Variants in NEBL observed in about 807,000 individuals in gnomAD.
NEBL encodes LIM and SH3 protein 2.
Under a neutral mutation model 140.2 loss-of-function variants are expected in NEBL, and 122 were observed. The observed-to-expected ratio is 0.87, with a 90% CI of 0.75 to 1.01. The LOEUF (loss-of-function observed/expected upper bound fraction) is 1.01, where lower values mean the gene tolerates loss of function less well. NEBL is among the 50% of genes least tolerant of loss of function. The pLI is 0.00. For synonymous variants in NEBL, 436 were observed against 398.9 expected, an observed-to-expected ratio of 1.09 and a Z score of -1.11; for missense variants, 1,365 against 1,231.3, an observed-to-expected ratio of 1.11 and a Z score of -1.62.
intron 2 of NEBL, among the ~76,000 whole-genome samples, chr10:21,098,732 C>CA (rs1275448052): frequency 1.3e-5 from 2 of 151,864 alleles, no homozygotes; most frequent in East Asian, 1.9e-4. Flanking sequence ...ATATAGAAAA[C>CA]AAAAAAAATT....
At position 20,791,652 on chromosome 10, in the gene NEBL, C is replaced by A. The variant is rs182135332; in HGVS notation, c.2762-4344G>T. The stretch of plus-strand genomic sequence containing the variant: ...TCAAGCAATTATCTTGTCTCAGACT[C>A]CCAAAGCACTGGGATTATGGGCGTG... On this transcript the variant is annotated intron_variant, in intron 26 of 27. Coordinates refer to ENST00000377122, the MANE Select transcript of NEBL (RefSeq NM_006393.3). 2.1e-3 allele frequency among the ~76,000 whole-genome samples: 322 copies of A among 152,180 alleles called. 5 individuals carry two copies. The highest frequency in any genetic ancestry group is 6.0e-4 in the Non-Finnish European group (41 of 68,014).
intron 7 of NEBL, among the ~76,000 whole-genome samples, chr10:20,866,539 C>T (rs551134664): frequency 6.6e-6 from 1 of 152,254 alleles, no homozygotes; most frequent in Non-Finnish European, 1.5e-5. Context: ...CCTTTTTATA[C>T]GTGCACAACT....
intron 1 of NEBL, among the ~76,000 whole-genome samples, chr10:21,262,711 A>G (rs961740286): frequency 6.6e-6 from 1 of 152,210 alleles, no homozygotes; most frequent in Non-Finnish European, 1.5e-5. Flanking sequence ...GGTTGAGCCT[A>G]GGGTCCGGCC....
At chr10:20,899,404 T>C, upstream of NEBL, 1 of 1,304,068 alleles carries the variant, frequency 7.7e-7, no homozygotes, top group Non-Finnish European at 1.0e-6. Flanking sequence ...GTGCAGTTAT[T>C]TCTCATTTCC....
chr10:21,072,053 A>G (rs1405299440), intron 2 of NEBL, among the ~76,000 whole-genome samples: 2 of 152,090 alleles, frequency 1.3e-5, no homozygotes, highest in Non-Finnish European at 2.9e-5. Context: ...CCTGACTTCC[A>G]GTGATCCACC....
In NEBL at chr10:21,241,289, A is replaced by AAAT. The variant is rs1564548432; in HGVS notation, n.348+6631_348+6632insATT. Among the ~76,000 whole-genome samples, 3 of 149,410 alleles carry AAAT rather than the reference A, an allele frequency of 2.0e-5. No homozygotes were observed. The East Asian group carries it at 6.0e-4, about 30-fold the overall frequency. ...ATAAATAAATAAATAAATAAATAAA[A>AAAT]ATAAAAATCAATCAAAAGGACCAAG... On this transcript the variant is annotated intron_variant and non_coding_transcript_variant, in intron 3 of 8. Transcript: ENST00000675702.
At chr10:20,903,815 G>C (rs1847975024) in intron 4 of NEBL, among the ~76,000 whole-genome samples, 1 of 151,716 alleles carries the variant, frequency 6.6e-6, no homozygotes, top group African/African-American at 2.4e-5. Context: ...TGGCAGCTAA[G>C]CTACTGGTAT....
intron 3 of NEBL, among the ~76,000 whole-genome samples, chr10:21,228,263 C>T (rs1451450550): frequency 1.3e-5 from 2 of 152,114 alleles, no homozygotes; most frequent in African/African-American, 4.8e-5. Context: ...ACGCAATGCT[C>T]CCGCCTCAGC....
At chr10:21,177,750 G>A (rs990192206), upstream of NEBL, among the ~76,000 whole-genome samples, 6 of 152,006 alleles carry the variant, frequency 3.9e-5, no homozygotes, top group East Asian at 1.9e-4. Context: ...GGATGGTCTC[G>A]ATCTCCTGAC....
chr10:21,144,472 T>A (rs535921224), intron 2 of NEBL, among the ~76,000 whole-genome samples: 1 of 152,284 alleles, frequency 6.6e-6, no homozygotes, highest in South Asian at 2.1e-4. Flanking sequence ...ACGCCTGTAA[T>A]CCCAGCACTT....
At chr10:21,194,857 A>G (rs1841625342) in intron 3 of NEBL, among the ~76,000 whole-genome samples, 1 of 151,312 alleles carries the variant, frequency 6.6e-6, no homozygotes, top group Non-Finnish European at 1.5e-5. Flanking sequence ...ACACAGAGCT[A>G]TGTAGTCAGA....
intron 4 of NEBL, chr10:20,961,608 C>T (rs1564463551): frequency 1.7e-6 from 2 of 1,206,148 alleles, no homozygotes; most frequent in East Asian, 4.7e-5. Context: ...AGTCATCCAG[C>T]CTCCCTTTCT....
intron 4 of NEBL, among the ~76,000 whole-genome samples, chr10:20,928,947 A>G (rs1397277720): frequency 6.6e-6 from 1 of 152,092 alleles, no homozygotes; most frequent in African/African-American, 2.4e-5. Flanking sequence ...GATTACCTCT[A>G]TTCACTATTT....
chr10:21,277,255 C>CTGGAG (rs1306464414), intron 1 of NEBL, among the ~76,000 whole-genome samples: 9 of 146,572 alleles, frequency 6.1e-5, no homozygotes, highest in African/African-American at 2.4e-4. Context: ...GTCGCCCAGG[C>CTGGAG]TGGAGTGCAG....
rs563260403 is a variant in NEBL, at chr10:20,819,185, A to G, written c.2055+239T>C. The G allele has an allele frequency of 2.1e-4, 182 of 872,048 alleles. 1 individual carries two copies. Among genetic ancestry groups the G allele is most frequent in the South Asian group, 2.1e-3 (116 of 55,642 alleles). The allele number at this position is 872,048 out of a possible 1,614,324, so 54.0% of individuals were successfully genotyped here. ...ACCCCGGCATTAAGCCCAGTACTCA[A>G]CAGTTACTTTTCCGGATCCTCTCCC... On this transcript the variant is annotated intron_variant, in intron 20 of 27. Coordinates refer to ENST00000377122, the MANE Select transcript of NEBL (RefSeq NM_006393.3).
chr10:21,129,200 T>C (rs533928492), intron 2 of NEBL, among the ~76,000 whole-genome samples: 19 of 152,286 alleles, frequency 1.2e-4, no homozygotes, highest in African/African-American at 4.1e-4. Context: ...GGAACTTGGA[T>C]CTACATAAGA....
chr10:21,286,642 C>G (rs1430052488), intron 1 of NEBL, among the ~76,000 whole-genome samples: 1 of 152,122 alleles, frequency 6.6e-6, no homozygotes, highest in Non-Finnish European at 1.5e-5. Flanking sequence ...ACCATCCTGG[C>G]TAACACAGTG....
At chr10:20,910,392 C>T (rs554410203) in intron 4 of NEBL, among the ~76,000 whole-genome samples, 13 of 152,304 alleles carry the variant, frequency 8.5e-5, no homozygotes, top group African/African-American at 2.9e-4. Context: ...AGTTAAAACA[C>T]ATGCATCAGA....
intron 2 of NEBL, among the ~76,000 whole-genome samples, chr10:21,106,142 G>A (rs971230068): frequency 1.3e-5 from 2 of 152,000 alleles, no homozygotes; most frequent in African/African-American, 2.4e-5. Context: ...TAGGTTGCCT[G>A]TTCACTCTGA....
Sources: allele counts gnomAD v4.1 joint callset (sites outside exome capture counted in the v4.1 genomes callset), GRCh38; gene constraint gnomAD v4.1.1; transcripts MANE v1.5; gene names NCBI Gene and HGNC (gene_info 2026-07-23, HGNC 2026-07-21).